Variants in PRDM7 observed in about 807,000 individuals in gnomAD.
The protein encoded by PRDM7 is histone-lysine N-methyltransferase PRDM7.
PRDM7 carries 52 observed loss-of-function variants against 64.3 expected under a neutral mutation model. The ratio of observed to expected loss-of-function variants is 0.81; its 90% CI spans 0.65 to 1.02. The LOEUF is 1.02. Among genes scored for constraint, PRDM7 ranks in the 50% least tolerant of loss-of-function variants. PRDM7 has a pLI of 0.00. For synonymous variants in PRDM7, 192 were observed against 210.1 expected, an observed-to-expected ratio of 0.91 and a Z score of 0.74; for missense variants, 574 against 597.1, an observed-to-expected ratio of 0.96 and a Z score of 0.40.
At chr16:90,076,273 T>C (rs2038035338) in intron 1 of PRDM7, among the ~76,000 whole-genome samples, 2 of 152,140 alleles carry the variant, frequency 1.3e-5, no homozygotes, top group South Asian at 2.1e-4. Context: ...GGGTTGTAGC[T>C]ACCGGTGTTT....
In PRDM7 at chr16:90,062,409, T is replaced by C; in HGVS notation, c.602A>G (p.Asp201Gly). 1 of 1,614,036 alleles carries C rather than the reference T, an allele frequency of 6.2e-7. No individual in the cohort carries two copies. The change falls in exon 7 of 11, where the codon GAC becomes GGC. Residue 201 changes from aspartate to glycine, a missense_variant. By Grantham distance (94) the Asp-to-Gly change is moderately conservative. Transcript: ENST00000449207. ...YKEISEPQDDDYLYCEMCQNF... is the reference protein window; with the variant it reads ...YKEISEPQDDGYLYCEMCQNF... ...CTGAAAGGGTCACTCACAGAGGTAG[T>C]CATCATCCTGTGGCTCGCTGATCTC...
chr16:90,064,054 G>C (rs567830421), intron 5 of PRDM7, among the ~76,000 whole-genome samples: 1 of 152,318 alleles, frequency 6.6e-6, no homozygotes, highest in Admixed American at 6.5e-5. Context: ...CAAGATCTGT[G>C]AAAGAAGGGG....
At chr16:90,069,453 A>T (rs1294560226) in intron 4 of PRDM7, among the ~76,000 whole-genome samples, 1 of 151,484 alleles carries the variant, frequency 6.6e-6, no homozygotes, top group Non-Finnish European at 1.5e-5. Flanking sequence ...ATGAACAATA[A>T]CTTCTTGTAT....
chr16:90,076,733 G>C (rs747668584), intron 1 of PRDM7, among the ~76,000 whole-genome samples: 5 of 152,182 alleles, frequency 3.3e-5, no homozygotes, highest in South Asian at 2.1e-4. Context: ...GGGATTTGGG[G>C]TTCCTCGGGA....
intron 4 of PRDM7, among the ~76,000 whole-genome samples, chr16:90,070,806 C>T (rs989825013): frequency 1.3e-5 from 2 of 152,186 alleles, no homozygotes; most frequent in African/African-American, 4.8e-5. Flanking sequence ...GTTGTTTAAG[C>T]CACTCAATGT....
intron 6 of PRDM7, among the ~76,000 whole-genome samples, chr16:90,063,361 C>T (rs549123336): frequency 7.9e-4 from 120 of 152,182 alleles, no homozygotes; most frequent in African/African-American, 2.7e-3. Flanking sequence ...TCGCTATTTT[C>T]GTGGAGGCAG....
chr16:90,071,892 T>C (rs945570147), intron 4 of PRDM7, among the ~76,000 whole-genome samples: 2 of 152,048 alleles, frequency 1.3e-5, no homozygotes, highest in Non-Finnish European at 2.9e-5. Context: ...GGGTATATAA[T>C]ATATTAAAAA....
rs907234192 is a variant in PRDM7 at position 90,075,781 on chromosome 16, C to T, written c.69+61G>A. 2 of 1,572,144 alleles carry T rather than the reference C, an allele frequency of 1.3e-6. No homozygotes were observed. The highest frequency in any genetic ancestry group is 2.7e-5 in the African/African-American group (2 of 73,914). On this transcript the variant is annotated intron_variant, in intron 2 of 10. Coordinates refer to ENST00000449207, the MANE Select transcript of PRDM7 (RefSeq NM_001098173.2). The surrounding 1 kb of genome is among the most constrained non-coding windows in gnomAD (Gnocchi z 4.3). The stretch of plus-strand genomic sequence containing the variant: ...TCACCCAAGGGTACAGGCCAGGAGT[C>T]TGCAGCACTCCAGAGATCAGCTCCT...
In PRDM7 at chr16:90,075,330, G is replaced by A; in HGVS notation, c.193+21C>T. 6.2e-7 allele frequency: 1 copy of A among 1,614,166 alleles called. No individual in the cohort carries two copies. Among genetic ancestry groups the A allele is most frequent in the Non-Finnish European group, 8.5e-7 (1 of 1,179,998 alleles). On this transcript the variant is annotated intron_variant, in intron 3 of 10. Coordinates refer to ENST00000449207, the MANE Select transcript of PRDM7 (RefSeq NM_001098173.2). The surrounding 1 kb of genome is among the most constrained non-coding windows in gnomAD (Gnocchi z 4.3). ...TGTTTTATATCGCCCAGGCTGGTCT[G>A]TGCCCAGCACTTCCTGTTACCTACA... is the stretch of plus-strand genomic sequence containing the variant.
At chr16:90,059,606 C>T (rs889553053) in intron 10 of PRDM7, among the ~76,000 whole-genome samples, 1 of 152,242 alleles carries the variant, frequency 6.6e-6, no homozygotes. Flanking sequence ...AATGCTGTCT[C>T]CTAAGAGAAA....
At chr16:90,066,018 A>G (rs1488837754) in intron 5 of PRDM7, among the ~76,000 whole-genome samples, 2 of 151,250 alleles carry the variant, frequency 1.3e-5, no homozygotes, top group African/African-American at 4.9e-5. Flanking sequence ...ATAATTCCAA[A>G]TAACATGACA....
At chr16:90,073,425 A>T (rs1216206026) in intron 4 of PRDM7, among the ~76,000 whole-genome samples, 1 of 145,304 alleles carries the variant, frequency 6.9e-6, no homozygotes, top group Non-Finnish European at 1.5e-5. Flanking sequence ...TTTGAGATGG[A>T]GTCTCGCTCT....
chr16:90,063,920 G>C (rs1180810499), intron 5 of PRDM7, among the ~76,000 whole-genome samples, 152 bp from the exon 6 acceptor site: 1 of 152,206 alleles, frequency 6.6e-6, no homozygotes, highest in African/African-American at 2.4e-5. Flanking sequence ...AGGTCTAAGT[G>C]GGTAGTGAAT....
At chr16:90,065,026 T>C (rs1167228377) in intron 5 of PRDM7, among the ~76,000 whole-genome samples, 1 of 150,868 alleles carries the variant, frequency 6.6e-6, no homozygotes, top group Non-Finnish European at 1.5e-5. Flanking sequence ...GCACTAATTC[T>C]TAATATTGTA....
intron 4 of PRDM7, among the ~76,000 whole-genome samples, chr16:90,070,405 C>A (rs1251635353): frequency 6.6e-6 from 1 of 150,878 alleles, no homozygotes; most frequent in African/African-American, 2.5e-5. Context: ...CCAGCCTGGT[C>A]AGCATGGTAA....
rs1159880153 is a variant in PRDM7 at position 90,077,227 on chromosome 16, A to C, written c.-87T>G. ...GAAGGTCTTGGGATGAGGGTTTACA[A>C]GGGTTTCACGCTGCACGACAAAGGC... is the stretch of plus-strand genomic sequence containing the variant. On this transcript the variant is annotated splice_region_variant and 5_prime_UTR_variant, in exon 1 of 11. Transcript: ENST00000449207. 6.6e-6 allele frequency: 1 copy of C among 152,174 alleles called. No homozygotes were observed. Among genetic ancestry groups the C allele is most frequent in the East Asian group, 1.9e-4 (1 of 5,184 alleles). The allele number at this position is 152,174 out of a possible 1,614,324, so 9.4% of individuals were successfully genotyped here. A position where few individuals can be genotyped will look rare whatever the true frequency, so the allele number is the denominator to read the frequency against.
At chr16:90,068,444 G>A (rs1771141402) in intron 4 of PRDM7, among the ~76,000 whole-genome samples, 1 of 150,576 alleles carries the variant, frequency 6.6e-6, no homozygotes, top group Admixed American at 6.6e-5. Flanking sequence ...GACCATCCTG[G>A]CTAACGTGGT....
chr16:90,067,589 CTTTTTTTTT>C (rs1220091658), intron 4 of PRDM7, among the ~76,000 whole-genome samples: 1 of 126,548 alleles, frequency 7.9e-6, no homozygotes, highest in Non-Finnish European at 1.6e-5. Context: ...AAGAAAAGCC[CTTTTTTTTT>C]TTTTTTTTTT....
chr16:90,058,198 A>C lies in PRDM7; in HGVS notation c.*91T>G. 1 of 1,614,176 alleles carries C rather than the reference A, an allele frequency of 6.2e-7. No individual in the cohort carries two copies. The highest frequency in any genetic ancestry group is 1.3e-5 in the African/African-American group (1 of 75,042). ...CTGGCCTGTTCTGGACTCTTCTTCC[A>C]TCATTCTTTCTCCCACTCTAGAGCT... On this transcript the variant is annotated 3_prime_UTR_variant, in exon 11 of 11. Coordinates refer to ENST00000449207, the MANE Select transcript of PRDM7 (RefSeq NM_001098173.2).
Sources: gnomAD v4.1 joint callset for allele counts (sites outside exome capture counted in the v4.1 genomes callset) on GRCh38, gnomAD v4.1.1 for gene constraint, Gnocchi (gnomAD v3.1) non-coding constraint, MANE v1.5 for transcripts, NCBI Gene and HGNC (gene_info 2026-07-23, HGNC 2026-07-21) for gene names.